The following PCDHGA10 variants were observed in gnomAD, a reference collection of about 807,000 sequenced individuals.
PCDHGA10 encodes protocadherin gamma-A10.
Under a neutral mutation model 59.5 loss-of-function variants are expected in PCDHGA10, and 42 were observed. The observed-to-expected ratio is 0.71, with a 90% CI of 0.55 to 0.91. The LOEUF is 0.91. PCDHGA10 is among the 40% of genes least tolerant of loss of function. The pLI is 0.00. For missense variants in PCDHGA10, 1,111 were observed against 1,198.2 expected (o/e 0.93, Z 1.07); for synonymous variants, 511 against 517.2 (o/e 0.99, Z 0.16).
chr5:141,500,835 A>G (rs965204931), intron 2 of PCDHGA10, among the ~76,000 whole-genome samples: 13 of 152,118 alleles, frequency 8.5e-5, no homozygotes, highest in African/African-American at 3.1e-4. Context: ...TCTAATGCTA[A>G]TGGGCTTTTG....
intron 1 of PCDHGA10, chr5:141,441,954 CA>C (rs1240871171): frequency 3.1e-6 from 1 of 319,488 alleles, no homozygotes; most frequent in Non-Finnish European, 6.0e-6. Flanking sequence ...TGCAGGCCAG[CA>C]AGCCCAGGCT....
chr5:141,428,293 C>T, intron 1 of PCDHGA10: 1 of 716,436 alleles, frequency 1.4e-6, no homozygotes, highest in South Asian at 1.6e-5. Context: ...AGCAAAGCTG[C>T]AGATTTACCT....
In PCDHGA10 at chr5:141,493,145, AG is replaced by A. The variant is rs11350413; in HGVS notation, c.2437-1660del. Among the ~76,000 whole-genome samples the A allele has an allele frequency of 0.17, 26,475 of 152,128 alleles. 2,528 individuals carry two copies. The highest frequency in any genetic ancestry group is 0.28 in the Admixed American group (4,206 of 15,272). ...TAGGACTGTATTTTGAAACACCCCC[AG>A]GTGATTTTGATAGCTGATTGAGAGA... is the stretch of plus-strand genomic sequence containing the variant. On this transcript the variant is annotated intron_variant, in intron 1 of 3. Transcript: ENST00000398610. The surrounding 1 kb of genome is among the most constrained non-coding windows in gnomAD (Gnocchi z 4.3).
At chr5:141,430,115 A>G (rs930805574) in intron 1 of PCDHGA10, among the ~76,000 whole-genome samples, 1 of 152,194 alleles carries the variant, frequency 6.6e-6, no homozygotes, top group Non-Finnish European at 1.5e-5. Context: ...CATGTCAACA[A>G]CCTGGTAAAG....
At chr5:141,495,270 G>A (rs1428903664) in intron 2 of PCDHGA10, among the ~76,000 whole-genome samples, 1 of 152,178 alleles carries the variant, frequency 6.6e-6, no homozygotes, top group African/African-American at 2.4e-5. Context: ...GCATTTGACC[G>A]GAGGAGGCGG....
chr5:141,423,897 T>G, intron 1 of PCDHGA10: 7 of 1,278,866 alleles, frequency 5.5e-6, no homozygotes, highest in Non-Finnish European at 6.9e-6. Flanking sequence ...TTTCTTTTGA[T>G]TTCAAAGGGG....
chr5:141,420,364 A>G (rs942479456), intron 1 of PCDHGA10: 8 of 1,368,440 alleles, frequency 5.8e-6, no homozygotes, highest in African/African-American at 3.0e-5. Flanking sequence ...ATTCTAGATA[A>G]CTTCTTCATA....
chr5:141,460,511 AT>A (rs937107682), intron 1 of PCDHGA10, among the ~76,000 whole-genome samples: 2 of 152,168 alleles, frequency 1.3e-5, no homozygotes, highest in African/African-American at 4.8e-5. Flanking sequence ...TGAGAAGGCT[AT>A]CTTTTCCCCA....
chr5:141,446,455 T>G (rs1347586383), intron 1 of PCDHGA10, among the ~76,000 whole-genome samples: 1 of 151,858 alleles, frequency 6.6e-6, no homozygotes, highest in Non-Finnish European at 1.5e-5. Context: ...AGATATTCAG[T>G]GTGTGATTAG....
chr5:141,415,747 T>TTTG, intron 1 of PCDHGA10, 136 bp downstream of exon 1: 1 of 797,602 alleles, frequency 1.3e-6, no homozygotes, highest in East Asian at 4.8e-5. Flanking sequence ...AAGGTTTTTT[T>TTTG]TTTTTTTTTT....
chr5:141,432,521 G>A lies in PCDHGA10; in HGVS notation c.2436+16910G>A. The stretch of plus-strand genomic sequence containing the variant: ...CCGCTCCGCAGAGCCCGGCTACCTG[G>A]TGACCAAGGTGGTGGCGGTGGACAG... On this transcript the variant is annotated intron_variant, in intron 1 of 3. Coordinates refer to ENST00000398610, the MANE Select transcript of PCDHGA10 (RefSeq NM_018913.3). The surrounding 1 kb of genome is among the most constrained non-coding windows in gnomAD (Gnocchi z 6.0). The A allele has an allele frequency of 6.2e-7, 1 of 1,614,112 alleles. No homozygotes were observed. Among genetic ancestry groups the A allele is most frequent in the Non-Finnish European group, 8.5e-7 (1 of 1,180,028 alleles).
rs187177915 is a variant in PCDHGA10 at position 141,472,338 on chromosome 5, G to A, written c.2437-22469G>A. ...AGGCAGATCACGAGGTTGGGAGATC[G>A]AGACCATCCTGGCTAACACGGTGAA... On this transcript the variant is annotated intron_variant, in intron 1 of 3. Transcript: ENST00000398610. Among the ~76,000 whole-genome samples, 23 of 151,526 alleles carry A rather than the reference G, an allele frequency of 1.5e-4. No homozygotes were observed. The East Asian group carries it at 3.2e-3, about 21-fold the overall frequency.
Position 141,476,676 on chromosome 5 carries a change from G to T in PCDHGA10, c.2437-18131G>T. 1.2e-6 allele frequency: 2 copies of T among 1,614,222 alleles called. No individual in the cohort carries two copies. The highest frequency in any genetic ancestry group is 1.7e-6 in the Non-Finnish European group (2 of 1,180,054). ...TACTTTGCGCTTCGCGTGCAGACGC[G>T]GGAGGACAGCACCAAGTACGCGGAG... On this transcript the variant is annotated intron_variant, in intron 1 of 3. Transcript: ENST00000398610. The surrounding 1 kb of genome is among the most constrained non-coding windows in gnomAD (Gnocchi z 7.6).
At position 141,421,975 on chromosome 5, in the gene PCDHGA10, G is replaced by A. The variant is rs1287891140; in HGVS notation, c.2436+6364G>A. 3.1e-6 allele frequency: 5 copies of A among 1,610,050 alleles called. No individual in the cohort carries two copies. The South Asian group carries it at 3.3e-5, about 11-fold the overall frequency. On this transcript the variant is annotated intron_variant, in intron 1 of 3. Coordinates refer to ENST00000398610, the MANE Select transcript of PCDHGA10 (RefSeq NM_018913.3). ...AATGTTTACACAGTCCGTATATCGC[G>A]TGAGTGTTCCAGAAAACATCAGCTC...
At position 141,511,542 on chromosome 5, in the gene PCDHGA10, A is replaced by C; in HGVS notation, c.*369A>C. The stretch of plus-strand genomic sequence containing the variant: ...CCCATGCCTCCCTCCTCCCCACCCC[A>C]CTCCAACAGTTCCTCTTTCCCGAGT... On this transcript the variant is annotated 3_prime_UTR_variant, in exon 4 of 4. Coordinates refer to ENST00000398610, the MANE Select transcript of PCDHGA10 (RefSeq NM_018913.3). 6.6e-6 allele frequency: 2 copies of C among 302,184 alleles called. No homozygotes were observed. The highest frequency in any genetic ancestry group is 3.7e-5 in the South Asian group (1 of 26,678). The allele number at this position is 302,184 out of a possible 1,614,324, so 18.7% of individuals were successfully genotyped here. A position where few individuals can be genotyped will look rare whatever the true frequency, so the allele number is the denominator to read the frequency against.
Position 141,415,317 on chromosome 5 carries a change from G to T in PCDHGA10, c.2142G>T (p.Val714=), listed in dbSNP as rs778236674. 6.2e-7 allele frequency: 1 copy of T among 1,614,218 alleles called. No individual in the cohort carries two copies. The highest frequency in any genetic ancestry group is 8.5e-7 in the Non-Finnish European group (1 of 1,180,038). The change falls in exon 1 of 4, where the codon GTG becomes GTT. Residue 714 remains valine (V), a synonymous_variant. Transcript: ENST00000398610. ...VSCVFLAFVI[V]LLAHRLRRWH... Reference sequence around the variant, plus strand: ...GCGTCTTCCTGGCCTTCGTCATCGTGCTGCTGGCGCACAGGCTGCGGCGCT... The same window carrying T: ...GCGTCTTCCTGGCCTTCGTCATCGTTCTGCTGGCGCACAGGCTGCGGCGCT...
chr5:141,488,158 G>A (rs534297140), intron 1 of PCDHGA10, among the ~76,000 whole-genome samples: 4 of 152,328 alleles, frequency 2.6e-5, no homozygotes, highest in South Asian at 2.1e-4. Context: ...AGAGAGGCAC[G>A]CATCAGAGTG....
chr5:141,427,930 T>C, intron 1 of PCDHGA10: 2 of 1,583,398 alleles, frequency 1.3e-6, no homozygotes. Flanking sequence ...CGGCGCATGT[T>C]GGTGGGCGAC....
chr5:141,431,127 T>C lies in PCDHGA10; in HGVS notation c.2436+15516T>C, dbSNP rs1455709617. ...AAAATATATGGAGTAGAAGTAGAAG[T>C]AAGGGACATTAACGACAATGCGCCT... On this transcript the variant is annotated intron_variant, in intron 1 of 3. Transcript: ENST00000398610. This position sits in a 1 kb window ranked among gnomAD's most constrained non-coding sequence, Gnocchi z 4.8. 1 of 1,614,176 alleles carries C rather than the reference T, an allele frequency of 6.2e-7. No individual in the cohort carries two copies. Among genetic ancestry groups the C allele is most frequent in the East Asian group, 2.2e-5 (1 of 44,878 alleles).
Sources: allele counts gnomAD v4.1 joint callset (sites outside exome capture counted in the v4.1 genomes callset), GRCh38; gene constraint gnomAD v4.1.1; non-coding constraint Gnocchi (gnomAD v3.1); transcripts MANE v1.5; gene names NCBI Gene and HGNC (gene_info 2026-07-23, HGNC 2026-07-21).